KCNIP4: variants seen among roughly 807,000 people sequenced by gnomAD.
KCNIP4 encodes the protein potassium voltage-gated channel interacting protein 4.
KCNIP4 carries 12 observed loss-of-function variants against 34.0 expected under a neutral mutation model. The observed-to-expected ratio is 0.35, with a 90% CI of 0.23 to 0.57. The LOEUF (loss-of-function observed/expected upper bound fraction) is 0.57, where lower values mean the gene tolerates loss of function less well. Ranked by LOEUF, KCNIP4 falls within the 20% of genes least tolerant of loss-of-function variation. The pLI, the probability that KCNIP4 is intolerant of heterozygous loss-of-function variation, is 0.83. For synonymous variants in KCNIP4, 124 were observed against 102.2 expected (o/e 1.21, Z -1.29); for missense variants, 238 against 311.7 (o/e 0.76, Z 1.78).
intron 1 of KCNIP4, among the ~76,000 whole-genome samples, chr4:21,701,585 T>C (rs1490081018): frequency 6.6e-6 from 1 of 152,210 alleles, no homozygotes; most frequent in Non-Finnish European, 1.5e-5. Flanking sequence ...TAATACTGTC[T>C]GTAGTCTTCT....
In KCNIP4 at chr4:21,291,920, AAAGAAAGAAAGAAAG is replaced by A. The variant is rs1763534560; in HGVS notation, c.62-409226_62-409212del. Among the ~76,000 whole-genome samples the A allele has an allele frequency of 1.6e-4, 15 of 92,258 alleles. 1 individual carries two copies. Among genetic ancestry groups the A allele is most frequent in the Middle Eastern group, 4.8e-3 (1 of 210 alleles). 60.5% of individuals were successfully genotyped at this position (92,258 alleles called of 152,430 possible). A position where few individuals can be genotyped will look rare whatever the true frequency, so the allele number is the denominator to read the frequency against. ...GAAAGAAAGAAAGAAAGAAAGAAAG[AAAGAAAGAAAGAAAG>A]AAAAAAAAAGAAAAAAGTCTGATGA... On this transcript the variant is annotated intron_variant, in intron 1 of 8. Transcript: ENST00000382152.
At chr4:20,740,432 C>T (rs1334046403) in intron 5 of KCNIP4, among the ~76,000 whole-genome samples, 1 of 151,356 alleles carries the variant, frequency 6.6e-6, no homozygotes, top group Non-Finnish European at 1.5e-5. Context: ...ATTCAACACT[C>T]TTACAGAATT....
chr4:21,763,017 T>A, intron 1 of KCNIP4: 1 of 1,288,856 alleles, frequency 7.8e-7, no homozygotes, highest in Non-Finnish European at 1.0e-6. Flanking sequence ...ACACAGCGAA[T>A]GCTCAATAAC....
intron 1 of KCNIP4, among the ~76,000 whole-genome samples, chr4:21,332,198 C>T (rs1375139533): frequency 6.6e-6 from 1 of 152,018 alleles, no homozygotes; most frequent in Non-Finnish European, 1.5e-5. Flanking sequence ...TTCAGAAGCC[C>T]ATTGGAACTT....
intron 1 of KCNIP4, among the ~76,000 whole-genome samples, chr4:21,869,401 A>G (rs1725626951): frequency 6.6e-6 from 1 of 152,160 alleles, no homozygotes; most frequent in African/African-American, 2.4e-5. Context: ...AACCGAATCT[A>G]AATTGCATTA....
At chr4:21,356,531 C>T (rs2109392721) in intron 1 of KCNIP4, among the ~76,000 whole-genome samples, 1 of 152,232 alleles carries the variant, frequency 6.6e-6, no homozygotes, top group Admixed American at 6.6e-5. Context: ...AACAGACAAA[C>T]ACAGAGCCAA....
At chr4:21,202,986 G>A (rs1756594336) in intron 1 of KCNIP4, among the ~76,000 whole-genome samples, 1 of 152,154 alleles carries the variant, frequency 6.6e-6, no homozygotes, top group Admixed American at 6.5e-5. Flanking sequence ...ACATATCTAT[G>A]CCCACCCCAG....
intron 1 of KCNIP4, among the ~76,000 whole-genome samples, chr4:21,554,846 T>A (rs1229681046): frequency 6.6e-6 from 1 of 152,172 alleles, no homozygotes; most frequent in Non-Finnish European, 1.5e-5. Flanking sequence ...ATCTTATTAA[T>A]CTTCATATTA....
chr4:20,855,727 T>C (rs1560517977), intron 2 of KCNIP4, among the ~76,000 whole-genome samples: 1 of 151,950 alleles, frequency 6.6e-6, no homozygotes, highest in Non-Finnish European at 1.5e-5. Flanking sequence ...AAATGAGTAA[T>C]AGGAGATGAA....
intron 1 of KCNIP4, among the ~76,000 whole-genome samples, chr4:21,525,306 A>G (rs1735879843): frequency 6.6e-6 from 1 of 152,106 alleles, no homozygotes; most frequent in African/African-American, 2.4e-5. Context: ...TCATCTCTGT[A>G]TTTTTTAAAT....
intron 1 of KCNIP4, among the ~76,000 whole-genome samples, chr4:21,072,042 T>C (rs758144254): frequency 1.2e-4 from 18 of 152,224 alleles, no homozygotes; most frequent in African/African-American, 4.1e-4. Context: ...CAGTCTGTCA[T>C]TGATGGACAT....
chr4:21,490,900 G>A (rs935160075), intron 1 of KCNIP4, among the ~76,000 whole-genome samples: 1 of 152,074 alleles, frequency 6.6e-6, no homozygotes, highest in Non-Finnish European at 1.5e-5. Flanking sequence ...TTTAAGGAAT[G>A]TCCTCTTTGA....
At chr4:21,367,266 C>T (rs1406503139) in intron 1 of KCNIP4, among the ~76,000 whole-genome samples, 1 of 152,146 alleles carries the variant, frequency 6.6e-6, no homozygotes, top group African/African-American at 2.4e-5. Flanking sequence ...CTTACTTTAC[C>T]TTTTGACCAA....
At chr4:20,991,522 G>T (rs1223034374) in intron 1 of KCNIP4, among the ~76,000 whole-genome samples, 1 of 152,126 alleles carries the variant, frequency 6.6e-6, no homozygotes, top group African/African-American at 2.4e-5. Context: ...TAGATGAATG[G>T]GGCCTGTGTT....
intron 1 of KCNIP4, among the ~76,000 whole-genome samples, chr4:21,813,988 T>C (rs1047397240): frequency 6.6e-5 from 10 of 152,056 alleles, no homozygotes; most frequent in African/African-American, 2.4e-4. Flanking sequence ...CCTATCCAGA[T>C]ATTGAGTTAG....
At chr4:21,112,652 G>A (rs1240598077) in intron 1 of KCNIP4, among the ~76,000 whole-genome samples, 1 of 152,140 alleles carries the variant, frequency 6.6e-6, no homozygotes, top group Admixed American at 6.5e-5. Flanking sequence ...TTTGAATCAG[G>A]GCCACCTGGC....
intron 1 of KCNIP4, among the ~76,000 whole-genome samples, chr4:21,945,778 G>T (rs183453896): frequency 3.3e-5 from 5 of 151,450 alleles, no homozygotes; most frequent in African/African-American, 1.2e-4. Flanking sequence ...GCAGGATTAC[G>T]TTCTGATTTT....
intron 1 of KCNIP4, among the ~76,000 whole-genome samples, chr4:21,551,421 C>CACTACAATACT (rs373367277): frequency 3.1e-4 from 47 of 152,152 alleles, no homozygotes; most frequent in African/African-American, 1.1e-3. Flanking sequence ...ATCTTCTTGC[C>CACTACAATACT]ACTACAATAC....
At chr4:21,934,679 G>T (rs895878681) in intron 1 of KCNIP4, among the ~76,000 whole-genome samples, 1 of 151,870 alleles carries the variant, frequency 6.6e-6, no homozygotes, top group Non-Finnish European at 1.5e-5. Context: ...AGAGTACCAC[G>T]TGCCACCCTC....
Sources: allele counts gnomAD v4.1 joint callset (sites outside exome capture counted in the v4.1 genomes callset), GRCh38; gene constraint gnomAD v4.1.1; transcripts MANE v1.5; gene names NCBI Gene and HGNC (gene_info 2026-07-23, HGNC 2026-07-21).